TAFA2: variants seen among roughly 807,000 people sequenced by gnomAD.
The protein encoded by TAFA2 is chemokine-like protein TAFA-2.
TAFA2 carries 7 observed loss-of-function variants against 18.8 expected under a neutral mutation model. That is an observed-to-expected ratio of 0.37 (90% CI 0.21 to 0.70). The LOEUF (loss-of-function observed/expected upper bound fraction) is 0.70. Among genes scored for constraint, TAFA2 ranks in the 30% least tolerant of loss-of-function variants. TAFA2 has a pLI of 0.53. For synonymous variants in TAFA2, 60 were observed against 54.2 expected (o/e 1.11, Z -0.47); for missense variants, 122 against 158.1 (o/e 0.77, Z 1.23).
chr12:62,051,835 T>G (rs1882062792), intron 1 of TAFA2, among the ~76,000 whole-genome samples: 1 of 151,986 alleles, frequency 6.6e-6, no homozygotes, highest in Non-Finnish European at 1.5e-5. Flanking sequence ...CAAATAAGTT[T>G]TATAGATAAT....
At chr12:61,834,146 G>C (rs370465510) in intron 2 of TAFA2, among the ~76,000 whole-genome samples, 1 of 151,914 alleles carries the variant, frequency 6.6e-6, no homozygotes, top group Non-Finnish European at 1.5e-5. Flanking sequence ...TATACACTAG[G>C]TCACTTAATC....
intron 1 of TAFA2, among the ~76,000 whole-genome samples, chr12:62,145,358 A>T (rs1489880737): frequency 1.3e-5 from 2 of 152,202 alleles, no homozygotes. Flanking sequence ...TGAACTGCGC[A>T]TGCAAGGAAT....
chr12:62,022,440 TATC>T (rs1881174712), intron 1 of TAFA2, among the ~76,000 whole-genome samples: 1 of 152,186 alleles, frequency 6.6e-6, no homozygotes, highest in Admixed American at 6.5e-5. Context: ...AAGAATTAAT[TATC>T]ATTCCTGTCA....
chr12:62,194,762 G>A (rs192746613), upstream of TAFA2, among the ~76,000 whole-genome samples: 151 of 152,200 alleles, frequency 9.9e-4, 2 homozygotes, highest in Admixed American at 9.7e-3. Flanking sequence ...ACCTTCTACA[G>A]GCATGCCTCA....
chr12:61,822,983 C>A (rs1872383064), intron 2 of TAFA2, among the ~76,000 whole-genome samples: 1 of 152,064 alleles, frequency 6.6e-6, no homozygotes, highest in Non-Finnish European at 1.5e-5. Flanking sequence ...CTCATTCATT[C>A]CATATGCATT....
chr12:61,749,431 G>C (rs1354858230), intron 4 of TAFA2, among the ~76,000 whole-genome samples: 1 of 152,064 alleles, frequency 6.6e-6, no homozygotes, highest in Non-Finnish European at 1.5e-5. Flanking sequence ...AATGTACTCA[G>C]CAGAGTGCCC....
At chr12:62,115,492 C>T (rs553935208) in intron 1 of TAFA2, among the ~76,000 whole-genome samples, 15 of 152,190 alleles carry the variant, frequency 9.9e-5, no homozygotes, top group South Asian at 2.1e-4. Flanking sequence ...CTAAAATATA[C>T]GGAATATAGA....
chr12:62,079,661 C>T (rs1868290348), intron 1 of TAFA2, among the ~76,000 whole-genome samples: 1 of 146,002 alleles, frequency 6.8e-6, no homozygotes, highest in African/African-American at 2.6e-5. Flanking sequence ...AAGACTCTGT[C>T]TCAAAAAAAA....
At chr12:61,836,508 T>C (rs932101291) in intron 2 of TAFA2, among the ~76,000 whole-genome samples, 1 of 151,728 alleles carries the variant, frequency 6.6e-6, no homozygotes, top group African/African-American at 2.4e-5. Context: ...TTTGTGTGTG[T>C]TTTAAATTTT....
At chr12:62,155,834 G>A (rs2062365779) in intron 1 of TAFA2, among the ~76,000 whole-genome samples, 1 of 152,120 alleles carries the variant, frequency 6.6e-6, no homozygotes, top group Non-Finnish European at 1.5e-5. Flanking sequence ...CTGAAACTAT[G>A]AAAATCTTAG....
At chr12:61,979,290 C>T (rs1052402797) in intron 1 of TAFA2, among the ~76,000 whole-genome samples, 2 of 152,102 alleles carry the variant, frequency 1.3e-5, no homozygotes, top group Non-Finnish European at 2.9e-5. Flanking sequence ...GCCAATAACT[C>T]AGTGGAATTG....
At chr12:62,179,777 T>G (rs1240050190) in intron 1 of TAFA2, among the ~76,000 whole-genome samples, 1 of 152,124 alleles carries the variant, frequency 6.6e-6, no homozygotes, top group Non-Finnish European at 1.5e-5. Context: ...TCCCTTCTGA[T>G]CTTCTTTTCT....
chr12:62,103,520 T>A (rs1351911050), intron 1 of TAFA2, among the ~76,000 whole-genome samples: 1 of 152,036 alleles, frequency 6.6e-6, no homozygotes, highest in Non-Finnish European at 1.5e-5. Context: ...GGCAGATGGA[T>A]CACCTGAGGT....
At chr12:61,919,175 C>T (rs1415406683) in intron 1 of TAFA2, among the ~76,000 whole-genome samples, 1 of 152,110 alleles carries the variant, frequency 6.6e-6, no homozygotes, top group African/African-American at 2.4e-5. Context: ...CTTGGCCTTC[C>T]CCTATTTCTG....
intron 1 of TAFA2, among the ~76,000 whole-genome samples, chr12:62,011,271 G>A (rs1049126180): frequency 6.6e-5 from 10 of 152,272 alleles, no homozygotes; most frequent in Admixed American, 1.3e-4. Context: ...CATCGAGAGC[G>A]GGCCATGATG....
intron 1 of TAFA2, among the ~76,000 whole-genome samples, chr12:61,919,814 A>C (rs989605014): frequency 2.0e-5 from 3 of 152,076 alleles, no homozygotes; most frequent in Admixed American, 1.3e-4. Context: ...TTCTAATAAG[A>C]GTAAGAAGGA....
intron 1 of TAFA2, among the ~76,000 whole-genome samples, chr12:62,148,705 T>A (rs943574394): frequency 1.3e-5 from 2 of 152,082 alleles, no homozygotes; most frequent in African/African-American, 2.4e-5. Context: ...ATTAAATAAA[T>A]CAATAAGTAA....
At chr12:62,221,137 CAA>C (rs1331026921) in intron 1 of TAFA2, among the ~76,000 whole-genome samples, 1 of 115,810 alleles carries the variant, frequency 8.6e-6, no homozygotes, top group Non-Finnish European at 1.7e-5. Context: ...AAACAAAACA[CAA>C]GGGAAGGGAA....
At chr12:61,928,834 C>CA (rs543625241) in intron 1 of TAFA2, among the ~76,000 whole-genome samples, 1 of 151,332 alleles carries the variant, frequency 6.6e-6, no homozygotes, top group Non-Finnish European at 1.5e-5. Context: ...GCTATGCAGC[C>CA]AAAAAAAACA....
Sources: gnomAD v4.1 joint callset for allele counts (sites outside exome capture counted in the v4.1 genomes callset) on GRCh38, gnomAD v4.1.1 for gene constraint, MANE v1.5 for transcripts, NCBI Gene and HGNC (gene_info 2026-07-23, HGNC 2026-07-21) for gene names.